WWOX: variants seen among roughly 807,000 people sequenced by gnomAD.
The protein encoded by WWOX is WW domain-containing oxidoreductase.
Under a neutral mutation model 46.2 loss-of-function variants are expected in WWOX, and 69 were observed. The ratio of observed to expected loss-of-function variants is 1.49; its 90% CI spans 1.23 to 1.82. The LOEUF (loss-of-function observed/expected upper bound fraction) is 1.82, where lower values mean the gene tolerates loss of function less well. Ranked by LOEUF, WWOX falls within the 40% of genes most tolerant of loss-of-function variation. The probability of loss-of-function intolerance (pLI) is 0.00; values close to 1 mark genes in which losing one functional copy is unlikely to be tolerated. For synonymous variants in WWOX, 359 were observed against 202.6 expected, an observed-to-expected ratio of 1.77 and a Z score of -6.56; for missense variants, 919 against 542.6, an observed-to-expected ratio of 1.69 and a Z score of -6.89.
intron 8 of WWOX, among the ~76,000 whole-genome samples, chr16:78,559,110 G>A (rs1187391153): frequency 6.6e-6 from 1 of 152,354 alleles, no homozygotes; most frequent in African/African-American, 2.4e-5. Context: ...CAGTAGTGGG[G>A]AAGGGTGAGC....
intron 8 of WWOX, among the ~76,000 whole-genome samples, chr16:78,485,878 T>G (rs1316566328): frequency 6.6e-6 from 1 of 152,204 alleles, no homozygotes; most frequent in African/African-American, 2.4e-5. Flanking sequence ...CATGGATCAC[T>G]TGGCGACAAA....
At chr16:79,183,627 G>A (rs1439126584) in intron 8 of WWOX, among the ~76,000 whole-genome samples, 2 of 152,068 alleles carry the variant, frequency 1.3e-5, no homozygotes, top group African/African-American at 2.4e-5. Flanking sequence ...ATACTAAGTG[G>A]CAATAATAAT....
At chr16:78,988,081 G>A (rs1430785349) in intron 8 of WWOX, among the ~76,000 whole-genome samples, 4 of 151,986 alleles carry the variant, frequency 2.6e-5, no homozygotes, top group East Asian at 1.9e-4. Flanking sequence ...TGTGGGTCAC[G>A]CCTGTAATAC....
chr16:78,558,201 G>A (rs747721633), intron 8 of WWOX, among the ~76,000 whole-genome samples: 1 of 152,078 alleles, frequency 6.6e-6, no homozygotes, highest in East Asian at 1.9e-4. Flanking sequence ...TTTATTTTCA[G>A]TGTTTTTGCC....
chr16:78,983,338 C>T (rs371120631), intron 8 of WWOX, among the ~76,000 whole-genome samples: 1 of 152,210 alleles, frequency 6.6e-6, no homozygotes, highest in Non-Finnish European at 1.5e-5. Flanking sequence ...TCTGGTCTCA[C>T]GCTTCTTCCG....
chr16:78,928,563 G>A (rs1395586742), intron 8 of WWOX, among the ~76,000 whole-genome samples: 1 of 152,018 alleles, frequency 6.6e-6, no homozygotes, highest in Non-Finnish European at 1.5e-5. Context: ...TTTCGTTACA[G>A]ATATTTGATG....
chr16:79,191,573 G>A (rs1322636289), intron 8 of WWOX, among the ~76,000 whole-genome samples: 5 of 152,200 alleles, frequency 3.3e-5, no homozygotes, highest in Admixed American at 6.5e-5. Context: ...GGGAGCTCAC[G>A]TTTTTCTCAA....
chr16:78,671,780 A>G (rs2047471050), intron 8 of WWOX, among the ~76,000 whole-genome samples: 1 of 152,236 alleles, frequency 6.6e-6, no homozygotes, highest in Non-Finnish European at 1.5e-5. Flanking sequence ...AGAAAGCACC[A>G]TCAGTATTCA....
At chr16:78,662,921 G>T (rs1365287790) in intron 8 of WWOX, among the ~76,000 whole-genome samples, 1 of 152,192 alleles carries the variant, frequency 6.6e-6, no homozygotes, top group Non-Finnish European at 1.5e-5. Flanking sequence ...GAGAGTGCAA[G>T]AATTGGTGAG....
chr16:78,803,160 C>T (rs769867863), intron 8 of WWOX, among the ~76,000 whole-genome samples: 1 of 151,454 alleles, frequency 6.6e-6, no homozygotes, highest in Non-Finnish European at 1.5e-5. Context: ...TGATTTATTC[C>T]ACTCACACAA....
intron 8 of WWOX, among the ~76,000 whole-genome samples, chr16:78,680,449 G>C (rs778780113): frequency 2.0e-5 from 3 of 152,184 alleles, no homozygotes; most frequent in South Asian, 2.1e-4. Context: ...TGGGAGGATC[G>C]CTTGAGCCCC....
chr16:78,219,547 ACT>A (rs1309902436), intron 5 of WWOX, among the ~76,000 whole-genome samples: 5 of 151,464 alleles, frequency 3.3e-5, no homozygotes, highest in Admixed American at 2.6e-4. Flanking sequence ...TGATTGAAAA[ACT>A]CTCAGAGCTT....
chr16:78,674,893 T>A (rs2047555294), intron 8 of WWOX, among the ~76,000 whole-genome samples: 1 of 152,000 alleles, frequency 6.6e-6, no homozygotes, highest in African/African-American at 2.4e-5. Flanking sequence ...TGGTCTTTGG[T>A]GACAGACCCA....
At chr16:79,038,254 G>C (rs2047905933) in intron 8 of WWOX, among the ~76,000 whole-genome samples, 1 of 152,128 alleles carries the variant, frequency 6.6e-6, no homozygotes, top group South Asian at 2.1e-4. Flanking sequence ...TTCCCAGAAA[G>C]ATCCAGTGAA....
At chr16:78,218,079 G>C (rs534798523) in intron 5 of WWOX, among the ~76,000 whole-genome samples, 136 of 151,742 alleles carry the variant, frequency 9.0e-4, no homozygotes, top group Non-Finnish European at 1.6e-3. Flanking sequence ...TTTAAGACAG[G>C]CTCTCACTCT....
chr16:78,199,764 C>G (rs899011946), intron 5 of WWOX, among the ~76,000 whole-genome samples: 1 of 149,784 alleles, frequency 6.7e-6, no homozygotes, highest in Non-Finnish European at 1.5e-5. Context: ...GAATGTCTCT[C>G]TTAGGCTGAG....
intron 8 of WWOX, among the ~76,000 whole-genome samples, chr16:78,479,688 C>G (rs1271214437): frequency 2.6e-5 from 4 of 152,130 alleles, no homozygotes; most frequent in East Asian, 1.9e-4. Context: ...TATGGACAGC[C>G]CTCTACAAAT....
At position 78,917,004 on chromosome 16, in the gene WWOX, A is replaced by G. The variant is rs553254501; in HGVS notation, c.1057-294604A>G. Among the ~76,000 whole-genome samples, 104 of 152,286 alleles carry G rather than the reference A, an allele frequency of 6.8e-4. No homozygotes were observed. In the South Asian group the frequency reaches 0.021, roughly 30 times the overall value. On this transcript the variant is annotated intron_variant, in intron 8 of 8. Coordinates refer to ENST00000566780, the MANE Select transcript of WWOX (RefSeq NM_016373.4). ...TTTTATTTTTCTCAGCATTGGCACC[A>G]TTTTGTGACAAGCTCACTCCTTGGG...
chr16:78,505,659 C>T lies in WWOX; in HGVS notation c.1056+72907C>T, dbSNP rs138274736. 7.0e-3 allele frequency among the ~76,000 whole-genome samples: 1,059 copies of T among 152,262 alleles called. 6 individuals carry two copies. Among genetic ancestry groups the T allele is most frequent in the African/African-American group, 0.017 (702 of 41,538 alleles). Reference sequence around the variant, plus strand: ...CAAACTCAGGAAGTTGCTGGGAAGTCTGGCTAGCAACACCCTCATTCCCAG... The same window carrying T: ...CAAACTCAGGAAGTTGCTGGGAAGTTTGGCTAGCAACACCCTCATTCCCAG... On this transcript the variant is annotated intron_variant, in intron 8 of 8. Transcript: ENST00000566780.
Sources: allele counts gnomAD v4.1 joint callset (sites outside exome capture counted in the v4.1 genomes callset), GRCh38; gene constraint gnomAD v4.1.1; transcripts MANE v1.5; gene names NCBI Gene and HGNC (gene_info 2026-07-23, HGNC 2026-07-21).